Variants in B4GALT6 observed in about 807,000 individuals in gnomAD.
B4GALT6 encodes the protein UDP-Gal:beta-GlcNAc beta-1,4-galactosyltransferase 6.
In B4GALT6, 14 loss-of-function variants were observed where a neutral mutation model predicts 46.3. The observed-to-expected ratio is 0.30, with a 90% CI of 0.20 to 0.47. B4GALT6 has a LOEUF of 0.47. Ranked by LOEUF, B4GALT6 falls within the 20% of genes least tolerant of loss-of-function variation. The pLI is 0.99. For synonymous variants in B4GALT6, 168 were observed against 162.0 expected (o/e 1.04, Z -0.28); for missense variants, 386 against 480.1 (o/e 0.80, Z 1.83).
At chr18:31,625,842 T>C in intron 8 of B4GALT6, 81 bp from the exon 9 acceptor site, 1 of 1,216,004 alleles carries the variant, frequency 8.2e-7, no homozygotes, top group Non-Finnish European at 1.1e-6. Flanking sequence ...TTCAAGGTCA[T>C]CTTATAATTA....
chr18:31,724,458 C>G, the B4GALT6 span: 1 of 1,022,946 alleles, frequency 9.8e-7, no homozygotes, highest in Non-Finnish European at 1.2e-6. Flanking sequence ...GAGCTAACTC[C>G]CCACCCCCGG....
chr18:31,638,128 ATAC>A (rs1360073382), intron 5 of B4GALT6, among the ~76,000 whole-genome samples: 2 of 152,250 alleles, frequency 1.3e-5, no homozygotes, highest in Non-Finnish European at 2.9e-5. Context: ...CGAGGCTGTC[ATAC>A]TAAAGTGAAA....
At chr18:31,627,797 T>C (rs1205794080) in intron 6 of B4GALT6, among the ~76,000 whole-genome samples, 2 of 152,352 alleles carry the variant, frequency 1.3e-5, no homozygotes, top group East Asian at 1.9e-4. Flanking sequence ...TTTTCTAAAC[T>C]ATATTTTTAC....
chr18:31,671,603 T>C (rs1476432750), intron 1 of B4GALT6, among the ~76,000 whole-genome samples: 1 of 152,252 alleles, frequency 6.6e-6, no homozygotes, highest in African/African-American at 2.4e-5. Context: ...TTTTTTCTTG[T>C]AAATTCAAGT....
the B4GALT6 span, among the ~76,000 whole-genome samples, chr18:31,699,471 A>C: frequency 1.3e-5 from 2 of 151,564 alleles, no homozygotes; most frequent in South Asian, 2.1e-4. Flanking sequence ...ACAGGGTTTC[A>C]CCATGTTGGC....
At chr18:31,662,551 C>T (rs983584481) in intron 2 of B4GALT6, among the ~76,000 whole-genome samples, 1 of 152,068 alleles carries the variant, frequency 6.6e-6, no homozygotes, top group African/African-American at 2.4e-5. Context: ...TGTAATAAAC[C>T]CACAAAATTG....
the B4GALT6 span, among the ~76,000 whole-genome samples, chr18:31,710,525 T>C: frequency 2.0e-5 from 3 of 151,992 alleles, no homozygotes; most frequent in East Asian, 3.9e-4. Context: ...GAGGCAGAGA[T>C]TGGATGATGC....
chr18:31,625,912 C>T (rs1421428063), intron 8 of B4GALT6, 151 bp from the exon 9 acceptor site: 3 of 679,014 alleles, frequency 4.4e-6, no homozygotes, highest in African/African-American at 3.8e-5. Context: ...ATCTCTAAAC[C>T]ATTATTCTAA....
upstream of B4GALT6, among the ~76,000 whole-genome samples, chr18:31,689,371 T>C (rs893237002): frequency 2.6e-5 from 4 of 152,040 alleles, no homozygotes; most frequent in South Asian, 2.1e-4. Context: ...AGATGAAAGA[T>C]TGATAGAGTC....
chr18:31,664,756 T>C (rs1189583637), intron 2 of B4GALT6, among the ~76,000 whole-genome samples: 1 of 152,180 alleles, frequency 6.6e-6, no homozygotes, highest in Non-Finnish European at 1.5e-5. Flanking sequence ...AATCAACTTA[T>C]TCAACCAGCA....
At chr18:31,674,328 G>A (rs1348426304) in intron 1 of B4GALT6, among the ~76,000 whole-genome samples, 1 of 152,158 alleles carries the variant, frequency 6.6e-6, no homozygotes, top group Non-Finnish European at 1.5e-5. Flanking sequence ...ACAGAGGAGA[G>A]GGAGAGACAA....
At chr18:31,705,630 C>T in the B4GALT6 span, among the ~76,000 whole-genome samples, 3 of 152,202 alleles carry the variant, frequency 2.0e-5, no homozygotes, top group African/African-American at 4.8e-5. Flanking sequence ...TCAGGTGATC[C>T]ATCCGCCTTG....
At chr18:31,685,597 C>A, upstream of B4GALT6, 1 of 152,590 alleles carries the variant, frequency 6.6e-6, no homozygotes, top group South Asian at 1.9e-4. Context: ...ACCGGGGCCC[C>A]ACCGCCTCCT....
intron 3 of B4GALT6, among the ~76,000 whole-genome samples, chr18:31,648,471 G>C (rs1328860393): frequency 6.6e-6 from 1 of 152,202 alleles, no homozygotes; most frequent in Non-Finnish European, 1.5e-5. Flanking sequence ...CAAGGTGAAG[G>C]ACAGGGAACT....
upstream of B4GALT6, chr18:31,686,572 C>T (rs1005149984): frequency 2.0e-5 from 3 of 152,162 alleles, no homozygotes; most frequent in African/African-American, 7.2e-5. Context: ...TAATATTTTG[C>T]TTGTTGGAGT....
At chr18:31,662,222 T>C (rs543403109) in intron 2 of B4GALT6, among the ~76,000 whole-genome samples, 1 of 152,338 alleles carries the variant, frequency 6.6e-6, no homozygotes, top group East Asian at 1.9e-4. Flanking sequence ...CTTCATTGAA[T>C]ACAAAGTTTT....
rs2073629424 is a variant in B4GALT6 at position 31,622,512 on chromosome 18, TAA to T, written c.*3100_*3101del. ...CAACAGTATGTATTTGAAAAACACA[TAA>T]AGAAATATATCAAAGACAAGCAAAG... On this transcript the variant is annotated 3_prime_UTR_variant, in exon 9 of 9. Coordinates refer to ENST00000306851, the MANE Select transcript of B4GALT6 (RefSeq NM_004775.5). The T allele has an allele frequency of 6.6e-6, 1 of 151,904 alleles. No homozygotes were observed. The highest frequency in any genetic ancestry group is 6.6e-5 in the Admixed American group (1 of 15,254). 9.4% of individuals were successfully genotyped at this position (151,904 alleles called of 1,614,324 possible). A position where few individuals can be genotyped will look rare whatever the true frequency, so the allele number is the denominator to read the frequency against.
chr18:31,655,289 C>G (rs1040796102), intron 3 of B4GALT6, among the ~76,000 whole-genome samples: 1 of 152,200 alleles, frequency 6.6e-6, no homozygotes, highest in Non-Finnish European at 1.5e-5. Context: ...ACCTTGCCAC[C>G]ATGGCCACCA....
chr18:31,712,321 T>G, the B4GALT6 span, among the ~76,000 whole-genome samples: 7 of 73,006 alleles, frequency 9.6e-5, no homozygotes, highest in African/African-American at 2.1e-4. Context: ...TTTTTTTTTG[T>G]AGACAGGGTC....
Sources: allele counts gnomAD v4.1 joint callset (sites outside exome capture counted in the v4.1 genomes callset), GRCh38; gene constraint gnomAD v4.1.1; transcripts MANE v1.5; gene names NCBI Gene and HGNC (gene_info 2026-07-23, HGNC 2026-07-21).